FHAD1: variants seen among roughly 807,000 people sequenced by gnomAD.
The protein encoded by FHAD1 is forkhead-associated domain-containing protein 1.
In FHAD1, 146 loss-of-function variants were observed where a neutral mutation model predicts 191.3. That is an observed-to-expected ratio of 0.76 (90% CI 0.67 to 0.88). The LOEUF is 0.88. FHAD1 is among the 40% of genes least tolerant of loss of function. FHAD1 has a pLI of 0.00. For synonymous variants in FHAD1, 616 were observed against 672.3 expected, an observed-to-expected ratio of 0.92 and a Z score of 1.29; for missense variants, 1,635 against 1,785.8, an observed-to-expected ratio of 0.92 and a Z score of 1.52.
Position 15,296,391 on chromosome 1 carries a change from C to A in FHAD1, c.569-293C>A, listed in dbSNP as rs190130140. Among the ~76,000 whole-genome samples, 453 of 151,854 alleles carry A rather than the reference C, an allele frequency of 3.0e-3. 5 individuals carry two copies. Among genetic ancestry groups the A allele is most frequent in the Non-Finnish European group, 4.8e-3 (325 of 67,960 alleles). Reference sequence around the variant, plus strand: ...GCCTCAGCCTCCCGAGTAGCTGGGACTATAGGCGCCCGCCACCACACCTGG... The same window carrying A: ...GCCTCAGCCTCCCGAGTAGCTGGGAATATAGGCGCCCGCCACCACACCTGG... On this transcript the variant is annotated intron_variant, in intron 4 of 33. Coordinates refer to ENST00000688493, the MANE Select transcript of FHAD1 (RefSeq NM_001391957.1).
chr1:15,347,457 C>T (rs1346349258), intron 18 of FHAD1, among the ~76,000 whole-genome samples: 2 of 152,174 alleles, frequency 1.3e-5, no homozygotes, highest in African/African-American at 4.8e-5. Context: ...CATTCAACTG[C>T]CAGTGGCTAT....
At chr1:15,355,235 C>A (rs891326022) in intron 20 of FHAD1, among the ~76,000 whole-genome samples, 2 of 151,292 alleles carry the variant, frequency 1.3e-5, no homozygotes, top group Non-Finnish European at 1.5e-5. Flanking sequence ...AAAGTGGGGT[C>A]TTACGGCATC....
chr1:15,396,260 T>C (rs78987226), intron 33 of FHAD1, among the ~76,000 whole-genome samples: 3,089 of 151,478 alleles, frequency 0.02, 99 homozygotes, highest in African/African-American at 0.07. Flanking sequence ...AGGTCGAGGC[T>C]GCAGTGAGCG....
intron 10 of FHAD1, among the ~76,000 whole-genome samples, chr1:15,323,012 C>T (rs1676869599): frequency 6.6e-6 from 1 of 152,134 alleles, no homozygotes. Context: ...AAGTGGAAAC[C>T]CCTGATAAAC....
At chr1:15,240,464 A>G (rs1426049445) in intron 1 of FHAD1, among the ~76,000 whole-genome samples, 3 of 151,918 alleles carry the variant, frequency 2.0e-5, no homozygotes, top group Non-Finnish European at 4.4e-5. Flanking sequence ...TCTCATCTCT[A>G]TTAAAAATAA....
At position 15,239,563 on chromosome 1, in the gene FHAD1, G is replaced by C. The variant is rs375242693; in HGVS notation, c.-15+2802G>C. ...AGACTGTGCCACTGCACTTCAGCCT[G>C]AGTGACAGAGCGAGACTCTGTCTCA... On this transcript the variant is annotated intron_variant, in intron 1 of 33. Coordinates refer to the FHAD1 transcript ENST00000683790. Among the ~76,000 whole-genome samples the C allele has an allele frequency of 2.6e-3, 397 of 152,298 alleles. 2 individuals are homozygous for C. The highest frequency in any genetic ancestry group is 8.5e-3 in the African/African-American group (352 of 41,572).
At chr1:15,388,180 A>C in intron 32 of FHAD1, 49 bp downstream of exon 32, 5 of 1,174,394 alleles carry the variant, frequency 4.3e-6, no homozygotes, top group Non-Finnish European at 4.5e-6. Flanking sequence ...GACAGTCTCA[A>C]CTGGGGGTAA....
chr1:15,353,549 G>A (rs565778993), intron 20 of FHAD1, among the ~76,000 whole-genome samples: 6 of 151,576 alleles, frequency 4.0e-5, no homozygotes, highest in African/African-American at 1.2e-4. Context: ...TACTAAAAAC[G>A]CAAAAATTAG....
chr1:15,360,419 T>G, intron 21 of FHAD1, 59 bp from the exon 22 acceptor site: 2 of 1,454,034 alleles, frequency 1.4e-6, no homozygotes, highest in South Asian at 2.4e-5. Flanking sequence ...AGGGGGCATA[T>G]TATTGTTGCC....
Position 15,247,368 on chromosome 1 carries a change from C to T in FHAD1, c.-42C>T, listed in dbSNP as rs866714312. 1.2e-4 allele frequency: 28 copies of T among 232,750 alleles called. No homozygotes were observed. The highest frequency in any genetic ancestry group is 6.1e-4 in the African/African-American group (26 of 42,558). 14.4% of individuals were successfully genotyped at this position (232,750 alleles called of 1,614,324 possible). A position where few individuals can be genotyped will look rare whatever the true frequency, so the allele number is the denominator to read the frequency against. ...AGCTGGCAGGGCTCTCGGCGGAGGT[C>T]GGAGCGTGGGCTTCCTCCTCCCGCC... On this transcript the variant is annotated 5_prime_UTR_variant, in exon 1 of 34. Transcript: ENST00000688493.
intron 28 of FHAD1, among the ~76,000 whole-genome samples, chr1:15,378,805 A>G (rs1373150104): frequency 6.6e-6 from 1 of 152,034 alleles, no homozygotes; most frequent in Non-Finnish European, 1.5e-5. Flanking sequence ...AGAGCCGGTA[A>G]ATGCTGCAAG....
At position 15,377,645 on chromosome 1, in the gene FHAD1, C is replaced by A. The variant is rs183880898; in HGVS notation, c.3705+1915C>A. Among the ~76,000 whole-genome samples the A allele has an allele frequency of 2.5e-3, 374 of 152,056 alleles. 9 individuals are homozygous for A. The highest frequency in any genetic ancestry group is 3.4e-3 in the Admixed American group (52 of 15,276). ...TTTGAGCTCAGGAGTTCGAGACCAG[C>A]CTGGGCAACATGGCGAGACCCTGTC... On this transcript the variant is annotated intron_variant, in intron 28 of 33. Coordinates refer to ENST00000688493, the MANE Select transcript of FHAD1 (RefSeq NM_001391957.1).
intron 14 of FHAD1, 108 bp from the exon 15 acceptor site, chr1:15,339,373 G>T: frequency 2.3e-6 from 1 of 429,282 alleles, no homozygotes. Flanking sequence ...CAGGTTGGAT[G>T]GCAGCTCACG....
rs775008918 is a variant in FHAD1, at chr1:15,367,591, C to T, written c.3283C>T (p.Arg1095Trp). 6.6e-5 allele frequency: 84 copies of T among 1,264,718 alleles called. No homozygotes were observed. The highest frequency in any genetic ancestry group is 8.8e-5 in the African/African-American group (5 of 57,076). The allele number at this position is 1,264,718 out of a possible 1,614,324, so 78.3% of individuals were successfully genotyped here. ...QMSSLVEKKDRELKALEEALR... is the reference protein window; with the variant it reads ...QMSSLVEKKDWELKALEEALR... ...GAGCAGCCTGGTAGAAAAGAAAGATCGGGAGCTGAAGGCCCTTGAGGAGGC... is the reference window on the plus strand; with the variant it reads ...GAGCAGCCTGGTAGAAAAGAAAGATTGGGAGCTGAAGGCCCTTGAGGAGGC... Residue 1095 changes from arginine to tryptophan, a missense_variant, in exon 25 of 34, where the codon CGG becomes TGG. Arg to Trp is a moderately radical substitution (Grantham distance 101). Transcript: ENST00000688493.
intron 2 of FHAD1, 101 bp downstream of exon 2, chr1:15,251,978 A>G (rs1259163682): frequency 2.1e-6 from 2 of 961,394 alleles, no homozygotes; most frequent in Admixed American, 5.5e-5. Flanking sequence ...CTTGTACACC[A>G]CAACCTGGGC....
intron 20 of FHAD1, among the ~76,000 whole-genome samples, chr1:15,357,363 C>A (rs554634404): frequency 7.9e-5 from 12 of 152,284 alleles, no homozygotes; most frequent in Admixed American, 4.6e-4. Flanking sequence ...CGTTGGCACA[C>A]GCCTGTAATC....
At chr1:15,341,710 A>T in intron 15 of FHAD1, 26 bp from the exon 16 acceptor site, 1 of 1,538,890 alleles carries the variant, frequency 6.5e-7, no homozygotes, top group Non-Finnish European at 8.8e-7. Flanking sequence ...CCCCATCAGC[A>T]TCGGTTTACT....
At chr1:15,240,503 T>C (rs922394651) in intron 1 of FHAD1, among the ~76,000 whole-genome samples, 3 of 151,676 alleles carry the variant, frequency 2.0e-5, no homozygotes, top group Non-Finnish European at 2.9e-5. Flanking sequence ...TAGTGGTACA[T>C]GGCTGTGGTC....
chr1:15,271,951 A>C (rs1226356539), intron 2 of FHAD1, among the ~76,000 whole-genome samples: 12 of 152,300 alleles, frequency 7.9e-5, no homozygotes, highest in Admixed American at 7.8e-4. Flanking sequence ...GTTTTGGTAA[A>C]ATAAAAAATA....
Sources: allele counts gnomAD v4.1 joint callset (sites outside exome capture counted in the v4.1 genomes callset), GRCh38; gene constraint gnomAD v4.1.1; transcripts MANE v1.5; gene names NCBI Gene and HGNC (gene_info 2026-07-23, HGNC 2026-07-21).